The following SLC4A4 variants were observed in gnomAD, a reference collection of about 807,000 sequenced individuals.
SLC4A4 encodes solute carrier family 4 member 4, also known as electrogenic sodium bicarbonate cotransporter 1.
SLC4A4 carries 27 observed loss-of-function variants against 111.5 expected under a neutral mutation model. The observed-to-expected ratio is 0.24, with a 90% CI of 0.18 to 0.33. The LOEUF is 0.33. Among genes scored for constraint, SLC4A4 ranks in the 10% least tolerant of loss-of-function variants. The pLI, the probability that SLC4A4 is intolerant of heterozygous loss-of-function variation, is 1.00. For synonymous variants in SLC4A4, 443 were observed against 463.4 expected (o/e 0.96, Z 0.57); for missense variants, 909 against 1,315.5 (o/e 0.69, Z 4.78).
chr4:71,557,958 A>T (rs1225084194), intron 22 of SLC4A4, 73 bp downstream of exon 22: 1 of 1,346,446 alleles, frequency 7.4e-7, no homozygotes, highest in Admixed American at 1.7e-5. Flanking sequence ...TATGGAAGAC[A>T]CACATGTCTT....
At chr4:71,196,232 G>A (rs1464770731) in intron 1 of SLC4A4, among the ~76,000 whole-genome samples, 3 of 152,142 alleles carry the variant, frequency 2.0e-5, no homozygotes, top group African/African-American at 7.2e-5. Flanking sequence ...CTCATGGTAG[G>A]GACTTTGCTA....
At chr4:71,452,915 C>T (rs577163760) in intron 11 of SLC4A4, among the ~76,000 whole-genome samples, 1 of 152,274 alleles carries the variant, frequency 6.6e-6, no homozygotes, top group South Asian at 2.1e-4. Flanking sequence ...TGATTTTTAT[C>T]ACTATGTGTT....
intron 2 of SLC4A4, among the ~76,000 whole-genome samples, chr4:71,155,642 T>A (rs113742312): frequency 0.013 from 2,018 of 152,182 alleles, 45 homozygotes; most frequent in African/African-American, 0.047. Context: ...TATTTTTGTT[T>A]TTTTAGAGAT....
At chr4:71,311,935 A>AGAGAGAGAGGGAGAGAGAG (rs1474208377) in intron 3 of SLC4A4, among the ~76,000 whole-genome samples, 1 of 38,934 alleles carries the variant, frequency 2.6e-5, no homozygotes, top group African/African-American at 8.1e-5. Flanking sequence ...GAGAGAGAGA[A>AGAGAGAGAGGGAGAGAGAG]GGAGATAGAG....
chr4:71,450,674 C>T, intron 10 of SLC4A4, 131 bp downstream of exon 10: 2 of 826,432 alleles, frequency 2.4e-6, no homozygotes, highest in Non-Finnish European at 3.9e-6. Context: ...GATGTATTTT[C>T]TCAAATGGAT....
intron 7 of SLC4A4, among the ~76,000 whole-genome samples, chr4:71,413,008 C>T (rs906093603): frequency 2.0e-5 from 3 of 152,284 alleles, no homozygotes; most frequent in Non-Finnish European, 2.9e-5. Context: ...ACTGGTGGCT[C>T]AGCCAGAAGC....
intron 16 of SLC4A4, among the ~76,000 whole-genome samples, chr4:71,523,051 C>T (rs1281119136): frequency 1.3e-5 from 2 of 152,254 alleles, no homozygotes; most frequent in East Asian, 1.9e-4. Context: ...CAGCCCTTTA[C>T]AAGAATCAGA....
intron 1 of SLC4A4, among the ~76,000 whole-genome samples, chr4:71,199,477 G>A (rs1440887683): frequency 2.6e-5 from 4 of 152,044 alleles, no homozygotes; most frequent in Non-Finnish European, 5.9e-5. Flanking sequence ...TTTATTTTGG[G>A]TGAGTTTAAA....
chr4:71,217,841 C>CTTT (rs1338518409), intron 1 of SLC4A4, among the ~76,000 whole-genome samples: 1 of 152,188 alleles, frequency 6.6e-6, no homozygotes, highest in Non-Finnish European at 1.5e-5. Flanking sequence ...AAAACAGACT[C>CTTT]TGAGGTCTTC....
intron 5 of SLC4A4, among the ~76,000 whole-genome samples, chr4:71,351,488 T>G (rs1729826767): frequency 6.6e-6 from 1 of 152,190 alleles, no homozygotes. Context: ...GAGACTCCAT[T>G]TATAATGTTA....
chr4:71,196,059 G>A (rs1745984739), intron 1 of SLC4A4, among the ~76,000 whole-genome samples: 1 of 152,222 alleles, frequency 6.6e-6, no homozygotes, highest in Admixed American at 6.5e-5. Context: ...GAGTGTTGAT[G>A]GCTGCACTCC....
At chr4:71,372,779 T>G (rs1371537478) in intron 6 of SLC4A4, among the ~76,000 whole-genome samples, 1 of 152,204 alleles carries the variant, frequency 6.6e-6, no homozygotes, top group Non-Finnish European at 1.5e-5. Flanking sequence ...GCTTTGCAAG[T>G]ACTTACCCAG....
chr4:71,437,702 T>C (rs1724284653), intron 7 of SLC4A4: 1 of 397,954 alleles, frequency 2.5e-6, no homozygotes, highest in East Asian at 6.5e-5. Context: ...CCAGTTCCTA[T>C]AATGGAGATC....
At chr4:71,558,714 T>C (rs993176655) in intron 22 of SLC4A4, among the ~76,000 whole-genome samples, 2 of 152,042 alleles carry the variant, frequency 1.3e-5, no homozygotes, top group East Asian at 2.0e-4. Context: ...CTCTTACTCT[T>C]AGCCAGTATT....
chr4:71,382,428 TA>T (rs1409889410), intron 6 of SLC4A4, among the ~76,000 whole-genome samples: 1 of 152,184 alleles, frequency 6.6e-6, no homozygotes, highest in Non-Finnish European at 1.5e-5. Context: ...AGGTGACTAA[TA>T]GAAGCTATAC....
chr4:71,361,349 G>A (rs1342266065), intron 6 of SLC4A4, among the ~76,000 whole-genome samples: 2 of 152,082 alleles, frequency 1.3e-5, no homozygotes, highest in African/African-American at 2.4e-5. Flanking sequence ...GGTTCAAGAC[G>A]ATTTTATGTT....
At position 71,407,435 on chromosome 4, in the gene SLC4A4, G is replaced by A. The variant is rs556629400; in HGVS notation, c.807+9782G>A. On this transcript the variant is annotated intron_variant, in intron 7 of 25. Coordinates refer to ENST00000264485, the MANE Select transcript of SLC4A4 (RefSeq NM_001098484.3). Reference sequence around the variant, plus strand: ...TATATCTTAGCTGATTATTCACACCGAATAAACTGTGGTGCTGACAGTGAA... The same window carrying A: ...TATATCTTAGCTGATTATTCACACCAAATAAACTGTGGTGCTGACAGTGAA... Among the ~76,000 whole-genome samples the A allele has an allele frequency of 8.5e-5, 13 of 152,266 alleles. No homozygotes were observed. The South Asian group carries it at 1.5e-3, about 17-fold the overall frequency.
rs1736142149 is a variant in SLC4A4 at position 71,552,843 on chromosome 4, C to CAT, written c.2695-2297_2695-2296insAT. Among the ~76,000 whole-genome samples the CAT allele has an allele frequency of 3.5e-5, 5 of 142,730 alleles. No homozygotes were observed. In the South Asian group the frequency reaches 1.2e-3, roughly 34 times the overall value. 93.6% of individuals were successfully genotyped at this position (142,730 alleles called of 152,430 possible). On this transcript the variant is annotated intron_variant, in intron 20 of 25. Transcript: ENST00000264485. ...TGTCTTGCTTTGTAAAAATATCTAC[C>CAT]TACTATTACTATGTAAATTATACTG...
At chr4:71,324,000 TGCAGATAGAGG>T (rs1427049164) in intron 3 of SLC4A4, among the ~76,000 whole-genome samples, 2 of 151,966 alleles carry the variant, frequency 1.3e-5, no homozygotes, top group African/African-American at 4.8e-5. Flanking sequence ...GGTGTTTTTT[TGCAGATAGAGG>T]GCATCAACAG....
Sources: allele counts gnomAD v4.1 joint callset (sites outside exome capture counted in the v4.1 genomes callset), GRCh38; gene constraint gnomAD v4.1.1; transcripts MANE v1.5; gene names NCBI Gene and HGNC (gene_info 2026-07-23, HGNC 2026-07-21).